The following COL4A3 variants were observed in gnomAD, a reference collection of about 807,000 sequenced individuals.
COL4A3 encodes collagen type IV alpha 3 chain, also known as collagen alpha-3(IV) chain.
Under a neutral mutation model 217.4 loss-of-function variants are expected in COL4A3, and 135 were observed. The ratio of observed to expected loss-of-function variants is 0.62; its 90% CI spans 0.54 to 0.72. The LOEUF is 0.72. Ranked by LOEUF, COL4A3 falls within the 30% of genes least tolerant of loss-of-function variation. The pLI, the probability that COL4A3 is intolerant of heterozygous loss-of-function variation, is 0.00. For synonymous variants in COL4A3, 690 were observed against 736.3 expected (o/e 0.94, Z 1.02); for missense variants, 1,868 against 2,119.9 (o/e 0.88, Z 2.33).
chr2:227,304,058 T>G lies in COL4A3; in HGVS notation c.4067T>G (p.Leu1356Arg), dbSNP rs2073402443. 1.2e-6 allele frequency: 2 copies of G among 1,614,120 alleles called. No individual in the cohort carries two copies. Among genetic ancestry groups the G allele is most frequent in the Middle Eastern group, 1.6e-4 (1 of 6,062 alleles). The change falls in exon 46 of 52, where the codon CTT becomes CGT. Residue 1356 changes from leucine (L) to arginine (R), a missense_variant. Transcript: ENST00000396578. Reference sequence around the variant, plus strand: ...CCTGGCACACTTAAGATTATCTCCCTTCCAGGAAGCCCAGGGCCACCTGGC... The same window carrying G: ...CCTGGCACACTTAAGATTATCTCCCGTCCAGGAAGCCCAGGGCCACCTGGC... Reference protein sequence around the residue: ...GDPGTLKIISLPGSPGPPGTP... With the variant: ...GDPGTLKIISRPGSPGPPGTP...
intron 43 of COL4A3, among the ~76,000 whole-genome samples, chr2:227,302,204 T>A (rs1485474371): frequency 1.3e-5 from 2 of 152,132 alleles, no homozygotes; most frequent in Non-Finnish European, 2.9e-5. Flanking sequence ...TTGTCAAATA[T>A]GCCTGTCAAA....
chr2:227,232,592 G>A (rs2068465835), intron 1 of COL4A3, among the ~76,000 whole-genome samples: 1 of 152,082 alleles, frequency 6.6e-6, no homozygotes, highest in Non-Finnish European at 1.5e-5. Flanking sequence ...ATATCTCGGT[G>A]TAGTTTTGAT....
intron 47 of COL4A3, among the ~76,000 whole-genome samples, chr2:227,306,148 A>G (rs2073493108): frequency 1.3e-5 from 2 of 152,214 alleles, no homozygotes; most frequent in African/African-American, 4.8e-5. Context: ...AAAAATTTTA[A>G]TGACCAAGGC....
intron 1 of COL4A3, among the ~76,000 whole-genome samples, chr2:227,197,048 C>T (rs1396093312): frequency 6.6e-6 from 1 of 151,798 alleles, no homozygotes; most frequent in Admixed American, 6.6e-5. Flanking sequence ...AGGGGAGTTT[C>T]CCTACACAAG....
At chr2:227,175,386 G>A (rs577906632) in intron 1 of COL4A3, among the ~76,000 whole-genome samples, 32 of 152,234 alleles carry the variant, frequency 2.1e-4, no homozygotes, top group Admixed American at 9.8e-4. Context: ...CAGGAGAATC[G>A]CTTGAACCTG....
intron 19 of COL4A3, 114 bp downstream of exon 19, chr2:227,259,991 T>G: frequency 1.2e-6 from 1 of 806,204 alleles, no homozygotes; most frequent in Non-Finnish European, 2.2e-6. Context: ...GGAACAGAGA[T>G]CTCTTCATTT....
intron 1 of COL4A3, among the ~76,000 whole-genome samples, chr2:227,219,234 C>T (rs1240482379): frequency 6.6e-6 from 1 of 152,194 alleles, no homozygotes; most frequent in East Asian, 1.9e-4. Context: ...CTCCCAAACT[C>T]AGGTGATCTG....
chr2:227,256,041 G>T lies in COL4A3; in HGVS notation c.904G>T (p.Asp302Tyr). ...TTTGCTGTAGGGAAAACCCGGAAAA[G>T]ATGGTGTTCCTGGCTTCCCTGGAAG... ...DPGLQGKPGK[D>Y]GVPGFPGSEG... is the part of the protein sequence containing the mutation. Residue 302 changes from aspartate to tyrosine, a missense_variant, in exon 16 of 52, where the codon GAT becomes TAT. Coordinates refer to ENST00000396578, the MANE Select transcript of COL4A3 (RefSeq NM_000091.5). 2.5e-6 allele frequency: 4 copies of T among 1,613,972 alleles called. No individual in the cohort carries two copies. The highest frequency in any genetic ancestry group is 3.4e-6 in the Non-Finnish European group (4 of 1,179,878).
At chr2:227,198,179 G>T (rs374522788) in intron 1 of COL4A3, among the ~76,000 whole-genome samples, 2 of 152,094 alleles carry the variant, frequency 1.3e-5, no homozygotes, top group East Asian at 1.9e-4. Flanking sequence ...TATCTATGTG[G>T]GTCATCTTCT....
Position 227,309,008 on chromosome 2 carries a change from A to C in COL4A3, c.4572A>C (p.Ser1524=), listed in dbSNP as rs757897854. Residue 1524 remains serine (S), a synonymous_variant, in exon 49 of 52, where the codon TCA becomes TCC. Transcript: ENST00000396578. ...GAAATGATTATTCATACTGGCTGTC[A>C]ACACCAGCTCTGATGCCAATGAACA... The part of the protein sequence containing the change: ...ASRNDYSYWL[S]TPALMPMNMA... 2.5e-6 allele frequency: 4 copies of C among 1,614,234 alleles called. No homozygotes were observed. In the East Asian group the frequency reaches 8.9e-5, roughly 36 times the overall value.
At chr2:227,256,744 T>G (rs773712311) in intron 17 of COL4A3, among the ~76,000 whole-genome samples, 21 of 152,264 alleles carry the variant, frequency 1.4e-4, no homozygotes, top group Non-Finnish European at 2.4e-4. Context: ...AGTCTTAATC[T>G]GAGTCATGAT....
In COL4A3 at chr2:227,290,884, A is replaced by G. The variant is rs766003244; in HGVS notation, c.3208A>G (p.Thr1070Ala). Reference sequence around the variant, plus strand: ...TACAAGGCCAGGACCACCGGGACCAACGGTATATAGGCCACTGAAATATTT... The same window carrying G: ...TACAAGGCCAGGACCACCGGGACCAGCGGTATATAGGCCACTGAAATATTT... ...EGTRPGPPGPTGDPGLPGDMG... is the reference protein window; with the variant it reads ...EGTRPGPPGPAGDPGLPGDMG... The change falls in exon 37 of 52, where the codon ACG becomes GCG. Residue 1070 changes from threonine (T) to alanine (A), a missense_variant and splice_region_variant. Coordinates refer to ENST00000396578, the MANE Select transcript of COL4A3 (RefSeq NM_000091.5). 1.3e-5 allele frequency: 21 copies of G among 1,611,508 alleles called. No homozygotes were observed. Among genetic ancestry groups the G allele is most frequent in the Non-Finnish European group, 1.8e-5 (21 of 1,179,354 alleles).
chr2:227,287,557 A>G (rs753379604), intron 34 of COL4A3, among the ~76,000 whole-genome samples: 50 of 152,266 alleles, frequency 3.3e-4, no homozygotes, highest in Non-Finnish European at 6.6e-4. Context: ...TAAACAGTAT[A>G]TATCTTTTTA....
At chr2:227,208,335 G>A (rs562414099) in intron 1 of COL4A3, among the ~76,000 whole-genome samples, 15 of 152,210 alleles carry the variant, frequency 9.9e-5, no homozygotes, top group South Asian at 2.1e-4. Flanking sequence ...TCAAGAGTCC[G>A]AACCTCCCCA....
intron 27 of COL4A3, among the ~76,000 whole-genome samples, chr2:227,276,752 G>A (rs1263511725): frequency 2.6e-5 from 4 of 152,200 alleles, no homozygotes; most frequent in South Asian, 4.1e-4. Flanking sequence ...CAGAAAAACC[G>A]TTCTGGAGTT....
At chr2:227,295,488 A>T (rs992319940) in intron 41 of COL4A3, among the ~76,000 whole-genome samples, 172 bp downstream of exon 41, 12 of 152,378 alleles carry the variant, frequency 7.9e-5, no homozygotes, top group African/African-American at 2.9e-4. Context: ...TATTACCATC[A>T]CAACAAATGG....
chr2:227,294,948 T>G lies in COL4A3; in HGVS notation c.3419-16T>G, dbSNP rs1318927738. On this transcript the variant is annotated splice_polypyrimidine_tract_variant and intron_variant, in intron 39 of 51. Coordinates refer to ENST00000396578, the MANE Select transcript of COL4A3 (RefSeq NM_000091.5). Reference sequence around the variant, plus strand: ...ACCATAGTTTGGGGTTTTTGGGTTTTTTTTTTTTTTTTCAGGTCTTCCAGG... The same window carrying G: ...ACCATAGTTTGGGGTTTTTGGGTTTGTTTTTTTTTTTTCAGGTCTTCCAGG... 2.6e-6 allele frequency: 4 copies of G among 1,557,618 alleles called. No homozygotes were observed. Among genetic ancestry groups the G allele is most frequent in the African/African-American group, 1.4e-5 (1 of 73,268 alleles).
intron 9 of COL4A3, among the ~76,000 whole-genome samples, chr2:227,248,930 G>A (rs2069527767): frequency 6.6e-6 from 1 of 151,732 alleles, no homozygotes; most frequent in South Asian, 2.1e-4. Flanking sequence ...TTTGCATAAT[G>A]ATAAATAAAA....
intron 23 of COL4A3, 36 bp from the exon 24 acceptor site, chr2:227,269,874 C>T (rs766449516): frequency 6.3e-7 from 1 of 1,587,518 alleles, no homozygotes; most frequent in South Asian, 1.1e-5. Flanking sequence ...AGTTGGCGTT[C>T]AATGAGGAGT....
Sources: allele counts gnomAD v4.1 joint callset (sites outside exome capture counted in the v4.1 genomes callset), GRCh38; gene constraint gnomAD v4.1.1; transcripts MANE v1.5; gene names NCBI Gene and HGNC (gene_info 2026-07-23, HGNC 2026-07-21).